The following SNPH variants were observed in gnomAD, a reference collection of about 807,000 sequenced individuals.
SNPH encodes syntaphilin.
A neutral mutation model predicts 36.8 loss-of-function variants in SNPH; 10 were observed. That is an observed-to-expected ratio of 0.27 (90% CI 0.17 to 0.46). The LOEUF (loss-of-function observed/expected upper bound fraction) is 0.46, where lower values mean the gene tolerates loss of function less well. Ranked by LOEUF, SNPH falls within the 20% of genes least tolerant of loss-of-function variation. SNPH has a pLI of 1.00. For missense variants in SNPH, 622 were observed against 744.0 expected (o/e 0.84, Z 1.91); for synonymous variants, 281 against 312.2 (o/e 0.90, Z 1.05).
At position 1,305,957 on chromosome 20, in the gene SNPH, G is replaced by T; in HGVS notation, c.1520G>T (p.Gly507Val). The stretch of plus-strand genomic sequence containing the variant: ...TACAACATCAGCTCCCTGCTGCGGG[G>T]CTGCTGCACTGTGGCCTTGCACTCC... Reference protein sequence around the residue: ...PIYNISSLLRGCCTVALHSIR... With the variant: ...PIYNISSLLRVCCTVALHSIR... Residue 507 changes from glycine to valine, a missense_variant, in exon 7 of 7, where the codon GGC becomes GTC. This residue lies in a region of SNPH where 379 missense variants were observed against 427.9 expected (regional missense o/e 0.89). Coordinates refer to ENST00000381867, the MANE Select transcript of SNPH (RefSeq NM_001318234.2). 6.4e-7 allele frequency: 1 copy of T among 1,567,758 alleles called. No homozygotes were observed. The highest frequency in any genetic ancestry group is 8.6e-7 in the Non-Finnish European group (1 of 1,157,168).
intron 2 of SNPH, among the ~76,000 whole-genome samples, chr20:1,290,347 C>G (rs2088344299): frequency 6.6e-6 from 1 of 152,166 alleles, no homozygotes; most frequent in South Asian, 2.1e-4. Context: ...TTCCCATTAC[C>G]AGTCATTCCC....
In SNPH at chr20:1,291,002, T is replaced by C. The variant is rs181310765; in HGVS notation, c.-492-3949T>C. On this transcript the variant is annotated intron_variant, in intron 2 of 6. Transcript: ENST00000381867. ...TCACACCTTCCATATGTAAAACACA[T>C]ACGAGAGGAGCCTCTTCAGGTGAAA... is the stretch of plus-strand genomic sequence containing the variant. 2.0e-3 allele frequency among the ~76,000 whole-genome samples: 311 copies of C among 152,326 alleles called. 3 individuals are homozygous for C. The highest frequency in any genetic ancestry group is 6.9e-3 in the African/African-American group (288 of 41,568).
At chr20:1,299,103 G>A (rs911439470) in intron 5 of SNPH, among the ~76,000 whole-genome samples, 1 of 151,980 alleles carries the variant, frequency 6.6e-6, no homozygotes, top group Non-Finnish European at 1.5e-5. Context: ...TAGGGGCCAT[G>A]ACGTGAGTAC....
chr20:1,300,562 G>A lies in SNPH; in HGVS notation c.291G>A (p.Arg97=). Residue 97 remains arginine, a splice_region_variant and synonymous_variant, in exon 6 of 7, where the codon AGG becomes AGA. Coordinates refer to ENST00000381867, the MANE Select transcript of SNPH (RefSeq NM_001318234.2). ...YKGSDSSPTP[R]RSMKYTLCSD... ...CCTGATGATGGGCGTCCCCTTGCAG[G>A]CGCTCCATGAAATACACGCTGTGCA... is the stretch of plus-strand genomic sequence containing the variant. 3.1e-6 allele frequency: 5 copies of A among 1,613,876 alleles called. No homozygotes were observed. Among genetic ancestry groups the A allele is most frequent in the Non-Finnish European group, 3.4e-6 (4 of 1,179,976 alleles).
At chr20:1,280,686 G>A (rs560623494) in intron 2 of SNPH, among the ~76,000 whole-genome samples, 1 of 152,316 alleles carries the variant, frequency 6.6e-6, no homozygotes, top group East Asian at 1.9e-4. Flanking sequence ...ACTGTACCAG[G>A]CTTTGTCCCA....
chr20:1,294,862 C>T lies in SNPH; in HGVS notation c.-492-89C>T, dbSNP rs141030734. On this transcript the variant is annotated intron_variant, in intron 2 of 6. Coordinates refer to ENST00000381867, the MANE Select transcript of SNPH (RefSeq NM_001318234.2). The surrounding 1 kb of genome is among the most constrained non-coding windows in gnomAD (Gnocchi z 4.4). Reference sequence around the variant, plus strand: ...GTTTCGATATTGGCTCTGCCACACACCTGGGATGTGACTTGGCCAAGTCCC... The same window carrying T: ...GTTTCGATATTGGCTCTGCCACACATCTGGGATGTGACTTGGCCAAGTCCC... 6 of 152,308 alleles carry T rather than the reference C, an allele frequency of 3.9e-5. No individual in the cohort carries two copies. The East Asian group carries it at 1.2e-3, about 30-fold the overall frequency. 9.4% of individuals were successfully genotyped at this position (152,308 alleles called of 1,614,324 possible).
At chr20:1,279,673 C>A (rs539011105) in intron 2 of SNPH, among the ~76,000 whole-genome samples, 1 of 146,220 alleles carries the variant, frequency 6.8e-6, no homozygotes, top group Admixed American at 7.0e-5. Context: ...TGTCACCAAG[C>A]CTGGAGTGCA....
At chr20:1,274,075 A>G (rs1195911237) in intron 2 of SNPH, among the ~76,000 whole-genome samples, 1 of 152,204 alleles carries the variant, frequency 6.6e-6, no homozygotes, top group East Asian at 1.9e-4. Context: ...TAAGATAGGA[A>G]GTTTTTTAAT....
In SNPH at chr20:1,304,275, C is replaced by A. The variant is rs754791888; in HGVS notation, c.441-603C>A. 6.6e-6 allele frequency among the ~76,000 whole-genome samples: 1 copy of A among 152,156 alleles called. No homozygotes were observed. The highest frequency in any genetic ancestry group is 1.5e-5 in the Non-Finnish European group (1 of 68,036). ...CTGTTCTTATCACTCTCCCGTTCCA[C>A]CCACCACTTCTCATCGCTCTGCATG... On this transcript the variant is annotated intron_variant, in intron 6 of 6. Transcript: ENST00000381867. This position sits in a 1 kb window ranked among gnomAD's most constrained non-coding sequence, Gnocchi z 4.3.
chr20:1,266,785 G>C lies in SNPH; in HGVS notation c.-493+25G>C, dbSNP rs534180586. 1.4e-4 allele frequency: 194 copies of C among 1,341,376 alleles called. 4 individuals are homozygous for C. In the South Asian group the frequency reaches 3.0e-3, roughly 21 times the overall value. The allele number at this position is 1,341,376 out of a possible 1,614,324, so 83.1% of individuals were successfully genotyped here. ...GGTGAGGAGGCCGCGGCGGAGCGGG[G>C]AGCTGGCCCTGCGCTGCACCGCGGC... On this transcript the variant is annotated intron_variant, in intron 2 of 6. Transcript: ENST00000381867. This position sits in a 1 kb window ranked among gnomAD's most constrained non-coding sequence, Gnocchi z 6.0.
rs56289024 is a variant in SNPH, at chr20:1,289,512, T to TACAC, written c.-492-5397_-492-5394dup. On this transcript the variant is annotated intron_variant, in intron 2 of 6. Coordinates refer to ENST00000381867, the MANE Select transcript of SNPH (RefSeq NM_001318234.2). ...TTATTAATGCAACGGTTCATTTAAA[T>TACAC]ACACACACACACACACACACACACA... 2.8e-3 allele frequency among the ~76,000 whole-genome samples: 386 copies of TACAC among 137,738 alleles called. 2 individuals carry two copies. The highest frequency in any genetic ancestry group is 7.6e-3 in the African/African-American group (273 of 36,016). The allele number at this position is 137,738 out of a possible 152,430, so 90.4% of individuals were successfully genotyped here.
At chr20:1,275,368 T>A (rs901031227) in intron 2 of SNPH, among the ~76,000 whole-genome samples, 1 of 152,226 alleles carries the variant, frequency 6.6e-6, no homozygotes, top group African/African-American at 2.4e-5. Flanking sequence ...CCTGTCTCTA[T>A]GGGCCTCGAT....
chr20:1,269,939 C>T (rs533490714), intron 2 of SNPH, among the ~76,000 whole-genome samples: 2 of 152,348 alleles, frequency 1.3e-5, no homozygotes, highest in Admixed American at 6.5e-5. Context: ...TACCCAGAGT[C>T]GTACAACCAG....
At position 1,296,016 on chromosome 20, in the gene SNPH, C is replaced by G. The variant is rs2088426247; in HGVS notation, c.-224C>G. 1.0e-5 allele frequency: 5 copies of G among 480,544 alleles called. No individual in the cohort carries two copies. Among genetic ancestry groups the G allele is most frequent in the South Asian group, 8.0e-5 (2 of 25,144 alleles). The allele number at this position is 480,544 out of a possible 1,614,324, so 29.8% of individuals were successfully genotyped here. On this transcript the variant is annotated 5_prime_UTR_variant, in exon 4 of 7. Coordinates refer to ENST00000381867, the MANE Select transcript of SNPH (RefSeq NM_001318234.2). ...CAGTCAGGAGGCCCTGCTCCTGAAG[C>G]CTCTGTGACCTTGGGCACGGCCTTC...
Position 1,266,482 on chromosome 20 carries a change from G to T in SNPH, c.-600+85G>T. On this transcript the variant is annotated intron_variant, in intron 1 of 6. Transcript: ENST00000381867. This position sits in a 1 kb window ranked among gnomAD's most constrained non-coding sequence, Gnocchi z 6.0. ...CAGAGTGCCGAGTGCCAGGGGGTGGGGTGGGGGCCGCGGGCCGCGAGGAGG... is the reference window on the plus strand; with the variant it reads ...CAGAGTGCCGAGTGCCAGGGGGTGGTGTGGGGGCCGCGGGCCGCGAGGAGG... The T allele has an allele frequency of 1.0e-6, 1 of 968,748 alleles. No homozygotes were observed. Among genetic ancestry groups the T allele is most frequent in the Non-Finnish European group, 1.4e-6 (1 of 710,310 alleles). The allele number at this position is 968,748 out of a possible 1,614,324, so 60.0% of individuals were successfully genotyped here. A position where few individuals can be genotyped will look rare whatever the true frequency, so the allele number is the denominator to read the frequency against.
intron 6 of SNPH, among the ~76,000 whole-genome samples, chr20:1,303,482 G>T (rs933009507): frequency 2.0e-5 from 3 of 152,196 alleles, no homozygotes; most frequent in Admixed American, 6.5e-5. Flanking sequence ...GGCCAAAAGG[G>T]TTACCTAGAG....
intron 2 of SNPH, among the ~76,000 whole-genome samples, chr20:1,287,662 G>A (rs1406842288): frequency 6.6e-6 from 1 of 152,110 alleles, no homozygotes; most frequent in Non-Finnish European, 1.5e-5. Context: ...AATGCCAGGG[G>A]ATTAGGCATT....
rs1013457247 is a variant in SNPH, at chr20:1,306,187, T to C, written c.*133T>C. 3 of 792,616 alleles carry C rather than the reference T, an allele frequency of 3.8e-6. No individual in the cohort carries two copies. Among genetic ancestry groups the C allele is most frequent in the African/African-American group, 1.8e-5 (1 of 55,230 alleles). The allele number at this position is 792,616 out of a possible 1,614,324, so 49.1% of individuals were successfully genotyped here. On this transcript the variant is annotated 3_prime_UTR_variant, in exon 7 of 7. Coordinates refer to ENST00000381867, the MANE Select transcript of SNPH (RefSeq NM_001318234.2). ...GTGGAACTGTTTCTTTTTTTCAAGA[T>C]GTTAAAACAGTCCCGTGGAAGGAGC...
At chr20:1,269,216 G>A (rs1362178748) in intron 2 of SNPH, among the ~76,000 whole-genome samples, 1 of 152,196 alleles carries the variant, frequency 6.6e-6, no homozygotes, top group Non-Finnish European at 1.5e-5. Context: ...GCCTCTGTGT[G>A]CCCATCTATA....
Sources: gnomAD v4.1 joint callset for allele counts (sites outside exome capture counted in the v4.1 genomes callset) on GRCh38, gnomAD v4.1.1 for gene constraint, gnomAD v4.1.1 regional missense constraint, Gnocchi (gnomAD v3.1) non-coding constraint, MANE v1.5 for transcripts, NCBI Gene and HGNC (gene_info 2026-07-23, HGNC 2026-07-21) for gene names.